CD36: variants seen among roughly 807,000 people sequenced by gnomAD.
CD36 encodes platelet glycoprotein 4.
In CD36, 119 loss-of-function variants were observed where a neutral mutation model predicts 55.2. That is an observed-to-expected ratio of 2.15 (90% CI 1.86 to 2.51). The LOEUF (loss-of-function observed/expected upper bound fraction) is 2.51. CD36 is among the 30% of genes most tolerant of loss of function. CD36 has a pLI of 0.00. For synonymous variants in CD36, 186 were observed against 193.6 expected (o/e 0.96, Z 0.33); for missense variants, 819 against 555.5 (o/e 1.47, Z -4.77).
intron 1 of CD36, among the ~76,000 whole-genome samples, chr7:80,617,057 T>C (rs941734437): frequency 5.3e-5 from 8 of 152,144 alleles, no homozygotes; most frequent in Non-Finnish European, 1.0e-4. Context: ...TATAATCACA[T>C]AGACATGAAA....
intron 9 of CD36, 36 bp from the exon 10 acceptor site, chr7:80,670,941 G>T (rs764433511): frequency 5.5e-6 from 8 of 1,442,306 alleles, no homozygotes; most frequent in Non-Finnish European, 5.9e-6. Flanking sequence ...GTAAGTTCAG[G>T]TTCCTGGAAT....
intron 3 of CD36, chr7:80,647,245 G>A (rs976521440): frequency 1.4e-4 from 36 of 251,654 alleles, no homozygotes; most frequent in African/African-American, 9.2e-4. Context: ...AGTTAATACT[G>A]AGAAAAGTAA....
intron 3 of CD36, among the ~76,000 whole-genome samples, chr7:80,648,331 G>C (rs1795328277): frequency 1.3e-5 from 2 of 152,024 alleles, no homozygotes; most frequent in African/African-American, 4.8e-5. Flanking sequence ...ATTTGGAAAA[G>C]TTTTCCAAAT....
rs779975352 is a variant in CD36 at position 80,663,104 on chromosome 7, T to A, written c.544T>A (p.Tyr182Asn). 16 of 1,613,792 alleles carry A rather than the reference T, an allele frequency of 9.9e-6. No individual in the cohort carries two copies. The South Asian group carries it at 1.6e-4, about 17-fold the overall frequency. Residue 182 changes from tyrosine (Y) to asparagine (N), a missense_variant, in exon 6 of 15, where the codon TAT becomes AAT. Tyr to Asn is a moderately radical substitution (Grantham distance 143, BLOSUM62 -2). Transcript: ENST00000447544. Reference sequence around the variant, plus strand: ...AACTTTGAGAGAACTGTTATGGGGCTATAGGGATCCATTTTTGAGTTTGGT... The same window carrying A: ...AACTTTGAGAGAACTGTTATGGGGCAATAGGGATCCATTTTTGAGTTTGGT... ...VRTLRELLWGYRDPFLSLVPY... is the reference protein window; with the variant it reads ...VRTLRELLWGNRDPFLSLVPY...
intron 1 of CD36, among the ~76,000 whole-genome samples, chr7:80,642,388 G>A (rs1196076492): frequency 6.6e-6 from 1 of 152,070 alleles, no homozygotes; most frequent in Non-Finnish European, 1.5e-5. Flanking sequence ...TTATGCTTTA[G>A]ACAGCTAAAT....
At position 80,673,367 on chromosome 7, in the gene CD36, T is replaced by C. The variant is rs749039936; in HGVS notation, c.1212T>C (p.Asn404=). 9 of 1,522,008 alleles carry C rather than the reference T, an allele frequency of 5.9e-6. No individual in the cohort carries two copies. In the South Asian group the frequency reaches 9.0e-5, roughly 15 times the overall value. The allele number at this position is 1,522,008 out of a possible 1,614,324, so 94.3% of individuals were successfully genotyped here. A position where few individuals can be genotyped will look rare whatever the true frequency, so the allele number is the denominator to read the frequency against. ...KPSEKIQVLK[N]LKRNYIVPIL... Reference sequence around the variant, plus strand: ...ACGTATATTACAGAGTATTAAAGAATCTGAAGAGGAACTATATTGTGCCTA... The same window carrying C: ...ACGTATATTACAGAGTATTAAAGAACCTGAAGAGGAACTATATTGTGCCTA... Residue 404 remains asparagine, a synonymous_variant, in exon 13 of 15, where the codon AAT becomes AAC. Transcript: ENST00000447544.
chr7:80,637,724 A>T (rs987144490), upstream of CD36, among the ~76,000 whole-genome samples: 2 of 152,050 alleles, frequency 1.3e-5, no homozygotes, highest in African/African-American at 4.8e-5. Flanking sequence ...TTCTTAGGTT[A>T]CTTTACTTCT....
intron 10 of CD36, 75 bp downstream of exon 10, chr7:80,671,239 T>G: frequency 1.0e-6 from 1 of 985,386 alleles, no homozygotes; most frequent in Non-Finnish European, 1.6e-6. Context: ...TTTACCATAA[T>G]CCTTTAGCAA....
intron 7 of CD36, 81 bp from the exon 8 acceptor site, chr7:80,666,362 T>C (rs1456399774): frequency 1.3e-5 from 12 of 896,180 alleles, no homozygotes; most frequent in Non-Finnish European, 1.8e-5. Context: ...AACAGAAGTA[T>C]TGAATTATAA....
At position 80,676,645 on chromosome 7, in the gene CD36, C is replaced by A. The variant is rs978028455; in HGVS notation, c.*262C>A. The A allele has an allele frequency of 6.6e-6, 1 of 152,176 alleles. No homozygotes were observed. Among genetic ancestry groups the A allele is most frequent in the Non-Finnish European group, 1.5e-5 (1 of 68,024 alleles). The allele number at this position is 152,176 out of a possible 1,614,324, so 9.4% of individuals were successfully genotyped here. A position where few individuals can be genotyped will look rare whatever the true frequency, so the allele number is the denominator to read the frequency against. On this transcript the variant is annotated 3_prime_UTR_variant, in exon 15 of 15. Coordinates refer to ENST00000447544, the MANE Select transcript of CD36 (RefSeq NM_001001548.3). Reference sequence around the variant, plus strand: ...TAATTGGCTTATGACTCATATTTCTCTATGAATACCTTCATACAGCAGGTA... The same window carrying A: ...TAATTGGCTTATGACTCATATTTCTATATGAATACCTTCATACAGCAGGTA...
Position 80,664,423 on chromosome 7 carries a change from T to A in CD36, c.627T>A (p.Asp209Glu). 1 of 1,562,190 alleles carries A rather than the reference T, an allele frequency of 6.4e-7. No individual in the cohort carries two copies. The highest frequency in any genetic ancestry group is 2.2e-5 in the East Asian group (1 of 44,528). ...GLFYPYNNTA[D>E]GVYKVFNGKD... ...TATTTCAGTACAACAATACTGCAGA[T>A]GGAGTTTATAAAGTTTTCAATGGAA... The change falls in exon 7 of 15, where the codon GAT becomes GAA. Residue 209 changes from aspartate to glutamate, a missense_variant. Physicochemically the swap from Asp to Glu is conservative, Grantham distance 45. Transcript: ENST00000447544.
intron 3 of CD36, among the ~76,000 whole-genome samples, chr7:80,655,871 A>C (rs1308760195): frequency 6.6e-6 from 1 of 151,708 alleles, no homozygotes; most frequent in East Asian, 1.9e-4. Context: ...CAAGGAGCCA[A>C]GATTGTACCA....
chr7:80,634,302 A>G (rs1488106290), upstream of CD36, among the ~76,000 whole-genome samples: 1 of 152,110 alleles, frequency 6.6e-6, no homozygotes, highest in East Asian at 1.9e-4. Flanking sequence ...TTTGCTCTTC[A>G]AGTCTTTGTT....
chr7:80,633,266 T>C (rs1002013516), intron 1 of CD36: 8 of 152,056 alleles, frequency 5.3e-5, no homozygotes, highest in African/African-American at 1.9e-4. Context: ...CTGTAAAATT[T>C]ACATAATGAT....
At chr7:80,675,723 G>A (rs2116936921) in intron 14 of CD36, among the ~76,000 whole-genome samples, 1 of 152,060 alleles carries the variant, frequency 6.6e-6, no homozygotes, top group African/African-American at 2.4e-5. Flanking sequence ...TTATATCTTT[G>A]GGCAGATTTG....
chr7:80,667,094 G>C (rs1003073793), intron 8 of CD36, among the ~76,000 whole-genome samples: 4 of 152,100 alleles, frequency 2.6e-5, no homozygotes, highest in Non-Finnish European at 5.9e-5. Context: ...GAAAAGCAAA[G>C]TACAGATATG....
rs555480623 is a variant in CD36, at chr7:80,671,166, T to G, written c.1006+2T>G. 2.4e-5 allele frequency: 39 copies of G among 1,593,776 alleles called. No individual in the cohort carries two copies. In the East Asian group the frequency reaches 8.1e-4, roughly 33 times the overall value. On this transcript the variant is annotated splice_donor_variant, in intron 10 of 14. Coordinates refer to ENST00000447544, the MANE Select transcript of CD36 (RefSeq NM_001001548.3). LOFTEE classifies it high-confidence loss of function. ...TAGACATCAGCAAATGCAAAGAAGGTGAGTAAATAACCTCAGTAGCACAGT... is the reference window on the plus strand; with the variant it reads ...TAGACATCAGCAAATGCAAAGAAGGGGAGTAAATAACCTCAGTAGCACAGT...
intron 1 of CD36, among the ~76,000 whole-genome samples, chr7:80,617,454 C>T (rs939022521): frequency 3.3e-5 from 5 of 152,018 alleles, no homozygotes; most frequent in South Asian, 2.1e-4. Flanking sequence ...GGGCCAGGCA[C>T]GGTGGCTCAC....
chr7:80,607,126 T>G (rs1390047241), intron 1 of CD36, among the ~76,000 whole-genome samples: 1 of 152,166 alleles, frequency 6.6e-6, no homozygotes, highest in Non-Finnish European at 1.5e-5. Flanking sequence ...TCCATTAATA[T>G]TCCTCTTGAG....
Sources: allele counts gnomAD v4.1 joint callset (sites outside exome capture counted in the v4.1 genomes callset), GRCh38; gene constraint gnomAD v4.1.1; transcripts MANE v1.5; gene names NCBI Gene and HGNC (gene_info 2026-07-23, HGNC 2026-07-21).